The following SASS6 variants were observed in gnomAD, a reference collection of about 807,000 sequenced individuals.
SASS6 encodes SAS-6 centriolar assembly protein.
Under a neutral mutation model 94.9 loss-of-function variants are expected in SASS6, and 59 were observed. That is an observed-to-expected ratio of 0.62 (90% confidence interval 0.50 to 0.77). SASS6 has a LOEUF of 0.77. SASS6 is among the 30% of genes least tolerant of loss of function. SASS6 has a pLI of 0.00. For synonymous variants in SASS6, 264 were observed against 270.0 expected (o/e 0.98, Z 0.22); for missense variants, 698 against 734.1 (o/e 0.95, Z 0.57).
chr1:100,087,437 C>A (rs545043116), intron 15 of SASS6, among the ~76,000 whole-genome samples: 1 of 152,204 alleles, frequency 6.6e-6, no homozygotes, highest in East Asian at 1.9e-4. Flanking sequence ...GCAGACAGGC[C>A]TTAAAGCCAT....
intron 1 of SASS6, 63 bp downstream of exon 1, chr1:100,132,687 C>T: frequency 1.5e-6 from 2 of 1,337,132 alleles, no homozygotes; most frequent in Non-Finnish European, 1.1e-6. Flanking sequence ...CCAGAACCGC[C>T]ATCTTTCCCC....
At chr1:100,103,179 T>A in intron 13 of SASS6, 96 bp from the exon 14 acceptor site, 2 of 718,422 alleles carry the variant, frequency 2.8e-6, no homozygotes, top group Non-Finnish European at 4.5e-6. Flanking sequence ...TAATAACTAA[T>A]AATTAAGAGA....
chr1:100,108,858 C>G (rs962713052), intron 8 of SASS6, among the ~76,000 whole-genome samples: 3 of 151,968 alleles, frequency 2.0e-5, no homozygotes, highest in Non-Finnish European at 2.9e-5. Context: ...AAAATCCTTA[C>G]GTAAATTGCC....
At chr1:100,107,329 A>T in intron 11 of SASS6, 45 bp downstream of exon 11, 1 of 1,250,468 alleles carries the variant, frequency 8.0e-7, no homozygotes, top group Non-Finnish European at 1.1e-6. Flanking sequence ...TTTTAAAACG[A>T]GGAAAAAATT....
chr1:100,123,624 C>T (rs1654362115), intron 2 of SASS6, among the ~76,000 whole-genome samples: 1 of 152,210 alleles, frequency 6.6e-6, no homozygotes, highest in African/African-American at 2.4e-5. Flanking sequence ...TTCTTTACCA[C>T]TGAACATACC....
intron 1 of SASS6, among the ~76,000 whole-genome samples, chr1:100,127,774 C>A (rs1654720780): frequency 1.3e-5 from 2 of 151,498 alleles, no homozygotes; most frequent in Admixed American, 1.3e-4. Flanking sequence ...ATAGCTTGAG[C>A]CCAGGGGTTC....
intron 14 of SASS6, among the ~76,000 whole-genome samples, chr1:100,093,042 T>G (rs1328241899): frequency 3.3e-5 from 5 of 152,108 alleles, no homozygotes; most frequent in Non-Finnish European, 5.9e-5. Flanking sequence ...CTTTAAGTGG[T>G]AAGATATTAA....
In SASS6 at chr1:100,123,235, C is replaced by T. The variant is rs369037313; in HGVS notation, c.181G>A (p.Val61Ile). Reference protein sequence around the residue: ...DTDPFFLYNLVISEEDFQSLK... With the variant: ...DTDPFFLYNLIISEEDFQSLK... Reference sequence around the variant, plus strand: ...CTTTGAAAATCTTCCTCAGATATAACAAGGTTATATAAAAAAAATGGATCC... The same window carrying T: ...CTTTGAAAATCTTCCTCAGATATAATAAGGTTATATAAAAAAAATGGATCC... The change falls in exon 3 of 17, where the codon GTT (valine) becomes ATT (isoleucine). Residue 61 changes from valine (V) to isoleucine (I), a missense_variant. By Grantham distance (29) the Val-to-Ile change is conservative. Transcript: ENST00000287482. The T allele has an allele frequency of 6.6e-7, 1 of 1,508,152 alleles. No individual in the cohort carries two copies. Among genetic ancestry groups the T allele is most frequent in the African/African-American group, 1.4e-5 (1 of 71,828 alleles). 93.4% of individuals were successfully genotyped at this position (1,508,152 alleles called of 1,614,324 possible).
intron 7 of SASS6, among the ~76,000 whole-genome samples, chr1:100,113,436 GTC>G (rs935118459): frequency 6.6e-6 from 1 of 151,922 alleles, no homozygotes; most frequent in African/African-American, 2.4e-5. Context: ...GTGAAACCCT[GTC>G]TCTACTAAAA....
intron 6 of SASS6, among the ~76,000 whole-genome samples, chr1:100,119,983 T>C (rs1407540913): frequency 1.3e-5 from 2 of 152,208 alleles, no homozygotes; most frequent in Non-Finnish European, 1.5e-5. Context: ...GTTGTAGCTA[T>C]GACTGAAATG....
In SASS6 at chr1:100,107,919, T is replaced by A. The variant is rs1244123725; in HGVS notation, c.947A>T (p.His316Leu). The A allele has an allele frequency of 3.1e-6, 5 of 1,612,524 alleles. No individual in the cohort carries two copies. The African/African-American group carries it at 6.7e-5, about 22-fold the overall frequency. Reference sequence around the variant, plus strand: ...CACTTTTGTTTGTAGCTGATTAACGTGCTTTTCTTTCTCGTGGCATTCAAC... The same window carrying A: ...CACTTTTGTTTGTAGCTGATTAACGAGCTTTTCTTTCTCGTGGCATTCAAC... ...LDVECHEKEKHVNQLQTKVAV... is the reference protein window; with the variant it reads ...LDVECHEKEKLVNQLQTKVAV... Residue 316 changes from histidine to leucine, a missense_variant, in exon 9 of 17, where the codon CAC becomes CTC. By Grantham distance (99) the His-to-Leu change is moderately conservative. Transcript: ENST00000287482.
intron 7 of SASS6, among the ~76,000 whole-genome samples, chr1:100,117,802 T>A (rs761909832): frequency 7.7e-5 from 11 of 142,850 alleles, no homozygotes; most frequent in Non-Finnish European, 1.4e-4. Flanking sequence ...CTAAAACTAG[T>A]ACTAAGATCA....
In SASS6 at chr1:100,132,890, G is replaced by A. The variant is rs1655199051; in HGVS notation, c.-76C>T. 7.9e-6 allele frequency: 11 copies of A among 1,383,718 alleles called. No homozygotes were observed. In the East Asian group the frequency reaches 1.6e-4, roughly 20 times the overall value. The allele number at this position is 1,383,718 out of a possible 1,614,324, so 85.7% of individuals were successfully genotyped here. ...CTCGGGATTAGCCTGAGAGGTCCGG[G>A]TCCTGATAAAGTTTGAGTTTGGCGC... On this transcript the variant is annotated 5_prime_UTR_variant, in exon 1 of 17. Coordinates refer to ENST00000287482, the MANE Select transcript of SASS6 (RefSeq NM_194292.3).
Position 100,085,218 on chromosome 1 carries a change from G to T in SASS6, c.*110C>A. 1.3e-6 allele frequency: 1 copy of T among 752,970 alleles called. No homozygotes were observed. Among genetic ancestry groups the T allele is most frequent in the Non-Finnish European group, 2.4e-6 (1 of 420,632 alleles). The allele number at this position is 752,970 out of a possible 1,614,324, so 46.6% of individuals were successfully genotyped here. On this transcript the variant is annotated 3_prime_UTR_variant, in exon 17 of 17. Coordinates refer to ENST00000287482, the MANE Select transcript of SASS6 (RefSeq NM_194292.3). ...TACTTAAAGTATCCAGTCTTTAACA[G>T]CTCAAGTAAAATTTGAAACTTGCTA... is the stretch of plus-strand genomic sequence containing the variant.
rs753218200 is a variant in SASS6 at position 100,110,492 on chromosome 1, C to T, written c.670-9G>A. 2.1e-5 allele frequency: 31 copies of T among 1,486,936 alleles called. No individual in the cohort carries two copies. The African/African-American group carries it at 3.8e-4, about 18-fold the overall frequency. 92.1% of individuals were successfully genotyped at this position (1,486,936 alleles called of 1,614,324 possible). On this transcript the variant is annotated splice_polypyrimidine_tract_variant and intron_variant, in intron 7 of 16. Coordinates refer to ENST00000287482, the MANE Select transcript of SASS6 (RefSeq NM_194292.3). ...TGATATTGAACCTGTGCCTATGATA[C>T]AATAAAAATACAGTACCAAAATTCA...
At chr1:100,114,892 G>A (rs770028454) in intron 7 of SASS6, among the ~76,000 whole-genome samples, 6 of 152,170 alleles carry the variant, frequency 3.9e-5, no homozygotes, top group South Asian at 2.1e-4. Context: ...GAAAAATGAC[G>A]TAATTATTTG....
chr1:100,112,848 G>A (rs1653450595), intron 7 of SASS6, among the ~76,000 whole-genome samples: 1 of 152,150 alleles, frequency 6.6e-6, no homozygotes, highest in African/African-American at 2.4e-5. Flanking sequence ...CCGACTAACT[G>A]TATCAAAGAC....
At chr1:100,121,143 G>C (rs1371247461) in intron 5 of SASS6, among the ~76,000 whole-genome samples, 3 of 151,576 alleles carry the variant, frequency 2.0e-5, no homozygotes, top group Non-Finnish European at 4.4e-5. Context: ...GAGTTTAAGT[G>C]ACCTGTCCAA....
intron 7 of SASS6, among the ~76,000 whole-genome samples, chr1:100,116,434 G>C (rs1416829046): frequency 6.6e-6 from 1 of 152,182 alleles, no homozygotes; most frequent in Non-Finnish European, 1.5e-5. Flanking sequence ...GAATGGCAAT[G>C]TAAACCGGTA....
Sources: gnomAD v4.1 joint callset for allele counts (sites outside exome capture counted in the v4.1 genomes callset) on GRCh38, gnomAD v4.1.1 for gene constraint, MANE v1.5 for transcripts, NCBI Gene and HGNC (gene_info 2026-07-23, HGNC 2026-07-21) for gene names.